Variants in CDYL2 observed in about 807,000 individuals in gnomAD.
CDYL2 encodes the protein chromodomain Y-like protein 2.
CDYL2 carries 23 observed loss-of-function variants against 49.4 expected under a neutral mutation model. The ratio of observed to expected loss-of-function variants is 0.47; its 90% CI spans 0.34 to 0.66. The LOEUF is 0.66. Among genes scored for constraint, CDYL2 ranks in the 30% least tolerant of loss-of-function variants. The pLI, the probability that CDYL2 is intolerant of heterozygous loss-of-function variation, is 0.01. For missense variants in CDYL2, 678 were observed against 656.4 expected (o/e 1.03, Z -0.36); for synonymous variants, 360 against 268.8 (o/e 1.34, Z -3.32).
intron 3 of CDYL2, among the ~76,000 whole-genome samples, chr16:80,630,704 A>G (rs9925790): frequency 0.056 from 8,490 of 152,014 alleles, 723 homozygotes; most frequent in African/African-American, 0.18. Context: ...CACAACCACT[A>G]CCCCACAACC....
intron 1 of CDYL2, among the ~76,000 whole-genome samples, chr16:80,803,680 C>T (rs1908000243): frequency 1.4e-5 from 2 of 139,242 alleles, no homozygotes; most frequent in South Asian, 4.6e-4. Context: ...CTCCCCCGCG[C>T]CCCCGGCCCA....
intron 1 of CDYL2, among the ~76,000 whole-genome samples, chr16:80,802,264 G>C (rs1298111660): frequency 6.6e-6 from 1 of 152,142 alleles, no homozygotes; most frequent in South Asian, 2.1e-4. Context: ...ACACCTTCAA[G>C]ACACAACTTT....
chr16:80,797,936 A>T (rs1196925830), intron 1 of CDYL2, among the ~76,000 whole-genome samples: 2 of 152,340 alleles, frequency 1.3e-5, no homozygotes, highest in Admixed American at 6.5e-5. Flanking sequence ...CAGCATTAAA[A>T]ACGTTACCAT....
chr16:80,678,391 C>T (rs1275145326), intron 2 of CDYL2, among the ~76,000 whole-genome samples: 6 of 152,118 alleles, frequency 3.9e-5, no homozygotes, highest in African/African-American at 4.8e-5. Flanking sequence ...CCAGAATCTA[C>T]GATGAACTCA....
chr16:80,640,700 A>C (rs766214672), intron 2 of CDYL2, among the ~76,000 whole-genome samples: 1 of 152,218 alleles, frequency 6.6e-6, no homozygotes, highest in Non-Finnish European at 1.5e-5. Context: ...AATTAAAAAT[A>C]ACACAGAGAA....
chr16:80,714,491 T>G (rs1904729213), intron 1 of CDYL2, among the ~76,000 whole-genome samples: 1 of 151,892 alleles, frequency 6.6e-6, no homozygotes, highest in East Asian at 1.9e-4. Flanking sequence ...ACGGGAAAAA[T>G]AAAAAAATTT....
intron 2 of CDYL2, among the ~76,000 whole-genome samples, chr16:80,683,756 A>C (rs1373657334): frequency 6.6e-6 from 1 of 152,216 alleles, no homozygotes; most frequent in Non-Finnish European, 1.5e-5. Flanking sequence ...CCCTTATAAA[A>C]GAGGCTGATG....
intron 1 of CDYL2, among the ~76,000 whole-genome samples, chr16:80,696,018 A>C (rs192361266): frequency 2.2e-4 from 33 of 152,338 alleles, no homozygotes; most frequent in Middle Eastern, 6.8e-3. Context: ...GTCTCTACAA[A>C]TGCTTTAAAA....
intron 1 of CDYL2, among the ~76,000 whole-genome samples, chr16:80,750,937 G>T (rs1033007956): frequency 1.3e-5 from 2 of 151,990 alleles, no homozygotes; most frequent in Non-Finnish European, 2.9e-5. Context: ...GGAGAATGGC[G>T]TGAACCCGGG....
In CDYL2 at chr16:80,732,969, T is replaced by A. The variant is rs183418789; in HGVS notation, c.25-47840A>T. Among the ~76,000 whole-genome samples the A allele has an allele frequency of 2.0e-4, 30 of 152,330 alleles. No homozygotes were observed. In the East Asian group the frequency reaches 5.0e-3, roughly 25 times the overall value. On this transcript the variant is annotated intron_variant, in intron 1 of 6. Coordinates refer to ENST00000570137, the MANE Select transcript of CDYL2 (RefSeq NM_152342.4). ...AATTGTGTCGTGAAGTATCATTATCTATTTAGTGTCCCAAAAGATGTGATA... is the reference window on the plus strand; with the variant it reads ...AATTGTGTCGTGAAGTATCATTATCAATTTAGTGTCCCAAAAGATGTGATA...
At chr16:80,753,564 T>C (rs960556042) in intron 1 of CDYL2, among the ~76,000 whole-genome samples, 22 of 152,168 alleles carry the variant, frequency 1.4e-4, no homozygotes, top group African/African-American at 4.6e-4. Flanking sequence ...GCCAAGATCG[T>C]GCCATTGTAC....
intron 2 of CDYL2, among the ~76,000 whole-genome samples, chr16:80,663,642 G>C (rs997886685): frequency 3.3e-5 from 5 of 151,914 alleles, no homozygotes; most frequent in African/African-American, 1.2e-4. Flanking sequence ...GCCCAGGCTG[G>C]AGTGCAGTGG....
intron 1 of CDYL2, among the ~76,000 whole-genome samples, chr16:80,775,455 G>A (rs563968808): frequency 2.4e-4 from 37 of 151,850 alleles, no homozygotes; most frequent in East Asian, 2.1e-3. Context: ...TTTCAAGGGG[G>A]GTGGGTTGTA....
chr16:80,740,239 T>A (rs1905687626), intron 1 of CDYL2, among the ~76,000 whole-genome samples: 1 of 152,186 alleles, frequency 6.6e-6, no homozygotes, highest in South Asian at 2.1e-4. Context: ...ACTTGCCACT[T>A]GTTTTCCCCA....
At chr16:80,724,183 G>C (rs1348529214) in intron 1 of CDYL2, among the ~76,000 whole-genome samples, 1 of 149,564 alleles carries the variant, frequency 6.7e-6, no homozygotes, top group Non-Finnish European at 1.5e-5. Flanking sequence ...CAAAGAGGAA[G>C]AGGAGAGGAG....
intron 1 of CDYL2, among the ~76,000 whole-genome samples, chr16:80,692,019 T>C (rs996314756): frequency 5.3e-5 from 8 of 151,998 alleles, no homozygotes; most frequent in African/African-American, 1.7e-4. Context: ...GACACAGAAA[T>C]TTTAAAGAAA....
chr16:80,755,169 T>C (rs1033156961), intron 1 of CDYL2, among the ~76,000 whole-genome samples: 1 of 152,194 alleles, frequency 6.6e-6, no homozygotes, highest in Non-Finnish European at 1.5e-5. Context: ...ACAAAGTATG[T>C]GACATGTCCA....
intron 1 of CDYL2, among the ~76,000 whole-genome samples, chr16:80,763,612 A>G (rs1457602785): frequency 1.4e-5 from 2 of 143,500 alleles, no homozygotes; most frequent in Non-Finnish European, 3.1e-5. Flanking sequence ...ACTCTGTCTC[A>G]AAACAAAAAA....
At chr16:80,619,297 T>A (rs1186146204) in intron 4 of CDYL2, among the ~76,000 whole-genome samples, 3 of 152,178 alleles carry the variant, frequency 2.0e-5, no homozygotes, top group Admixed American at 1.3e-4. Flanking sequence ...CTCCACAGGT[T>A]CCAGGGATTG....
Sources: allele counts gnomAD v4.1 joint callset (sites outside exome capture counted in the v4.1 genomes callset), GRCh38; gene constraint gnomAD v4.1.1; transcripts MANE v1.5; gene names NCBI Gene and HGNC (gene_info 2026-07-23, HGNC 2026-07-21).